MECOM: variants seen among roughly 807,000 people sequenced by gnomAD.
MECOM encodes the protein MDS1 and EVI1 complex locus.
In MECOM, 13 loss-of-function variants were observed where a neutral mutation model predicts 116.3. That is an observed-to-expected ratio of 0.11 (90% CI 0.07 to 0.18). The LOEUF (loss-of-function observed/expected upper bound fraction) is 0.18, where lower values mean the gene tolerates loss of function less well. Among genes scored for constraint, MECOM ranks in the 10% least tolerant of loss-of-function variants. MECOM has a pLI of 1.00. For missense variants in MECOM, 1,299 were observed against 1,509.0 expected (o/e 0.86, Z 2.31); for synonymous variants, 528 against 535.2 (o/e 0.99, Z 0.19).
intron 2 of MECOM, among the ~76,000 whole-genome samples, chr3:169,306,058 A>C (rs1052735771): frequency 2.0e-5 from 3 of 152,206 alleles, no homozygotes; most frequent in Admixed American, 6.5e-5. Flanking sequence ...GTTCCTTTCA[A>C]GTAAACATAT....
intron 1 of MECOM, among the ~76,000 whole-genome samples, chr3:169,587,407 A>G (rs1007787673): frequency 6.8e-4 from 101 of 148,072 alleles, no homozygotes; most frequent in African/African-American, 2.5e-3. Flanking sequence ...GCTCTTTATC[A>G]CATGTAAACC....
chr3:169,340,676 A>T (rs1470540623), intron 2 of MECOM, among the ~76,000 whole-genome samples: 1 of 152,230 alleles, frequency 6.6e-6, no homozygotes, highest in African/African-American at 2.4e-5. Flanking sequence ...AGCTTTCTAC[A>T]CAATTAAAAT....
At chr3:169,288,754 C>T (rs1428279792) in intron 2 of MECOM, among the ~76,000 whole-genome samples, 1 of 152,084 alleles carries the variant, frequency 6.6e-6, no homozygotes, top group Non-Finnish European at 1.5e-5. Flanking sequence ...GCTAATAGAT[C>T]TCAAGTTAGG....
chr3:169,107,851 C>T, intron 10 of MECOM, 75 bp downstream of exon 10: 1 of 1,254,496 alleles, frequency 8.0e-7, no homozygotes, highest in Non-Finnish European at 1.2e-6. Context: ...TATGTCTGTA[C>T]AGCAATTTAG....
At chr3:169,484,146 A>C in intron 1 of MECOM, 2 of 700,390 alleles carry the variant, frequency 2.9e-6, no homozygotes, top group Non-Finnish European at 4.9e-6. Flanking sequence ...TTTTTATCTC[A>C]CAATTCAACA....
chr3:169,364,602 A>G (rs1048701032), intron 2 of MECOM, among the ~76,000 whole-genome samples: 1 of 151,980 alleles, frequency 6.6e-6, no homozygotes, highest in African/African-American at 2.4e-5. Context: ...AGGCAGTGAA[A>G]TTTATTATGA....
At chr3:169,177,071 A>T (rs1745278095) in intron 2 of MECOM, among the ~76,000 whole-genome samples, 1 of 152,228 alleles carries the variant, frequency 6.6e-6, no homozygotes, top group African/African-American at 2.4e-5. Context: ...TTCCTCAAGG[A>T]TCTAGAACCA....
At chr3:169,316,482 A>C (rs560985972) in intron 2 of MECOM, among the ~76,000 whole-genome samples, 1 of 152,340 alleles carries the variant, frequency 6.6e-6, no homozygotes, top group South Asian at 2.1e-4. Context: ...AAATGAGATA[A>C]GGGGCACAAA....
chr3:169,265,354 A>G (rs924004328), intron 2 of MECOM, among the ~76,000 whole-genome samples: 2 of 152,244 alleles, frequency 1.3e-5, no homozygotes, highest in Non-Finnish European at 2.9e-5. Context: ...ATGGGCTCCA[A>G]AGAAACTCCA....
intron 1 of MECOM, among the ~76,000 whole-genome samples, chr3:169,407,370 A>G (rs1441637355): frequency 6.6e-6 from 1 of 152,236 alleles, no homozygotes; most frequent in Non-Finnish European, 1.5e-5. Flanking sequence ...TATTATATCA[A>G]CATTAAAGGC....
At chr3:169,633,660 G>A (rs541583432) in intron 1 of MECOM, among the ~76,000 whole-genome samples, 1 of 152,206 alleles carries the variant, frequency 6.6e-6, no homozygotes, top group African/African-American at 2.4e-5. Flanking sequence ...TGGTCTCCAA[G>A]CATCCCAGCA....
At chr3:169,121,253 G>C in intron 6 of MECOM, 44 bp from the exon 7 acceptor site, 1 of 1,538,222 alleles carries the variant, frequency 6.5e-7, no homozygotes, top group Non-Finnish European at 8.8e-7. Context: ...CTTAACTCAA[G>C]GGCACAATAA....
intron 2 of MECOM, among the ~76,000 whole-genome samples, chr3:169,373,449 TATA>T (rs1161493797): frequency 6.6e-6 from 1 of 152,014 alleles, no homozygotes; most frequent in Non-Finnish European, 1.5e-5. Flanking sequence ...GGCCCCTATT[TATA>T]ATGTTATCTT....
chr3:169,127,966 G>C lies in MECOM; in HGVS notation c.708C>G (p.His236Gln), dbSNP rs1336151396. The C allele has an allele frequency of 1.2e-6, 2 of 1,614,054 alleles. No individual in the cohort carries two copies. Among genetic ancestry groups the C allele is most frequent in the South Asian group, 1.1e-5 (1 of 91,078 alleles). The change falls in exon 5 of 17, where the codon CAC (histidine) becomes CAG (glutamine). Residue 236 changes from histidine to glutamine, a missense_variant. Physicochemically the swap from His to Gln is conservative, Grantham distance 24 (BLOSUM62 0). Around this residue, in one of 6 missense-constraint regions of MECOM, gnomAD observed 374 missense variants for 433.4 expected, o/e 0.86. Transcript: ENST00000651503. Reference protein sequence around the residue: ...DHQKFPCSTPHSAFSMVEEDF... With the variant: ...DHQKFPCSTPQSAFSMVEEDF... ...CCTCTTCAACCATTGAAAATGCTGA[G>C]TGAGGAGTACTGCATGGAAACTTTT... is the stretch of plus-strand genomic sequence containing the variant.
At chr3:169,643,793 A>G (rs1773794879) in intron 1 of MECOM, among the ~76,000 whole-genome samples, 4 of 152,178 alleles carry the variant, frequency 2.6e-5, no homozygotes. Context: ...GTATGTAAAC[A>G]CTCTATAGCA....
At chr3:169,560,644 C>T (rs1762534030) in intron 1 of MECOM, among the ~76,000 whole-genome samples, 1 of 151,944 alleles carries the variant, frequency 6.6e-6, no homozygotes, top group Admixed American at 6.6e-5. Flanking sequence ...GACAGAAATA[C>T]TCAATGATAT....
chr3:169,466,445 G>A (rs1281547866), intron 1 of MECOM, among the ~76,000 whole-genome samples: 1 of 152,018 alleles, frequency 6.6e-6, no homozygotes, highest in African/African-American at 2.4e-5. Flanking sequence ...GTGGTTTGGG[G>A]GCTATTGATT....
At chr3:169,183,808 A>G (rs1746332866) in intron 2 of MECOM, among the ~76,000 whole-genome samples, 1 of 85,942 alleles carries the variant, frequency 1.2e-5, no homozygotes, top group Non-Finnish European at 2.2e-5. Context: ...ACACACACAC[A>G]CACACACACA....
At chr3:169,347,235 G>T (rs1287216136) in intron 2 of MECOM, among the ~76,000 whole-genome samples, 13 of 148,626 alleles carry the variant, frequency 8.7e-5, no homozygotes, top group Non-Finnish European at 1.8e-4. Flanking sequence ...TGTACTTCAT[G>T]GGGGGGCAGT....
Sources: gnomAD v4.1 joint callset for allele counts (sites outside exome capture counted in the v4.1 genomes callset) on GRCh38, gnomAD v4.1.1 for gene constraint, gnomAD v4.1.1 regional missense constraint, MANE v1.5 for transcripts, NCBI Gene and HGNC (gene_info 2026-07-23, HGNC 2026-07-21) for gene names.